The following CACYBP variants were observed in gnomAD, a reference collection of about 807,000 sequenced individuals.
CACYBP encodes calcyclin binding protein, also known as calcyclin-binding protein.
Under a neutral mutation model 29.6 loss-of-function variants are expected in CACYBP, and 11 were observed. The ratio of observed to expected loss-of-function variants is 0.37; its 90% CI spans 0.23 to 0.61. The LOEUF (loss-of-function observed/expected upper bound fraction) is 0.61. Among genes scored for constraint, CACYBP ranks in the 20% least tolerant of loss-of-function variants. CACYBP has a pLI of 0.65. For missense variants in CACYBP, 163 were observed against 260.7 expected, an observed-to-expected ratio of 0.63 and a Z score of 2.58; for synonymous variants, 73 against 88.3, an observed-to-expected ratio of 0.83 and a Z score of 0.97.
chr1:175,001,052 C>G (rs1006035555), intron 1 of CACYBP, among the ~76,000 whole-genome samples: 3 of 152,110 alleles, frequency 2.0e-5, no homozygotes, highest in East Asian at 1.9e-4. Flanking sequence ...CTGGGGAGTC[C>G]CAAGCTTTTG....
At chr1:175,006,052 G>A (rs1245488334) in intron 2 of CACYBP, among the ~76,000 whole-genome samples, 2 of 152,164 alleles carry the variant, frequency 1.3e-5, no homozygotes, top group Non-Finnish European at 2.9e-5. Flanking sequence ...ATATATTCTT[G>A]ATAAACAGAA....
At position 175,011,656 on chromosome 1, in the gene CACYBP, CAT is replaced by C. The variant is rs1672760346; in HGVS notation, c.*1578_*1579del. ...AAAAAGAAATGTAAATGACCTTTAA[CAT>C]GTAAAGATGCTCACCTTGTTCAGAA... On this transcript the variant is annotated 3_prime_UTR_variant, in exon 6 of 6. Transcript: ENST00000367679. 6.6e-6 allele frequency: 1 copy of C among 152,122 alleles called. No homozygotes were observed. The highest frequency in any genetic ancestry group is 2.4e-5 in the African/African-American group (1 of 41,428). The allele number at this position is 152,122 out of a possible 1,614,324, so 9.4% of individuals were successfully genotyped here.
upstream of CACYBP, chr1:174,999,866 C>A (rs954345812): frequency 6.6e-6 from 3 of 456,680 alleles, no homozygotes; most frequent in Non-Finnish European, 7.4e-6. Flanking sequence ...ATTCGGCAGG[C>A]GGGCGGAGCC....
At position 175,000,132 on chromosome 1, in the gene CACYBP, C is replaced by T. The variant is rs753544362; in HGVS notation, c.-49C>T. 5.7e-5 allele frequency: 90 copies of T among 1,585,386 alleles called. No homozygotes were observed. The highest frequency in any genetic ancestry group is 1.7e-4 in the Middle Eastern group (1 of 6,008). On this transcript the variant is annotated 5_prime_UTR_variant, in exon 1 of 6. Transcript: ENST00000367679. ...AGGGCTCGGCGCGGGGTTTCCTGTTCCTCCTTCTGCGCGGCTGCAGCTCGG... is the reference window on the plus strand; with the variant it reads ...AGGGCTCGGCGCGGGGTTTCCTGTTTCTCCTTCTGCGCGGCTGCAGCTCGG...
Position 175,007,107 on chromosome 1 carries a change from T to C in CACYBP, c.342T>C (p.Asp114=). 1 of 1,597,024 alleles carries C rather than the reference T, an allele frequency of 6.3e-7. No homozygotes were observed. Among genetic ancestry groups the C allele is most frequent in the Non-Finnish European group, 8.6e-7 (1 of 1,165,570 alleles). Reference sequence around the variant, plus strand: ...CACCATTGTGTTGCAGGTCATTTGATCTTTTGGTAAAGAATCTAAATGGGA... The same window carrying C: ...CACCATTGTGTTGCAGGTCATTTGACCTTTTGGTAAAGAATCTAAATGGGA... ...VQVHFTERSF[D]LLVKNLNGKS... Residue 114 remains aspartate (D), a synonymous_variant, in exon 4 of 6, where the codon GAT becomes GAC. Transcript: ENST00000367679.
At chr1:175,000,831 TAAG>T (rs1672459104) in intron 1 of CACYBP, among the ~76,000 whole-genome samples, 2 of 152,222 alleles carry the variant, frequency 1.3e-5, no homozygotes, top group African/African-American at 4.8e-5. Flanking sequence ...TAATTAATAG[TAAG>T]AAAGCGAATG....
At chr1:175,008,375 G>A (rs1025592012) in intron 4 of CACYBP, among the ~76,000 whole-genome samples, 2 of 151,580 alleles carry the variant, frequency 1.3e-5, no homozygotes, top group Non-Finnish European at 2.9e-5. Flanking sequence ...ATTAACACCC[G>A]CTTTGTCTTG....
In CACYBP at chr1:175,006,856, T is replaced by C; in HGVS notation, c.332+15T>C. ...TTCACAGAGAGGTGAGTTCTCATTA[T>C]AATGGGAAAGACAGTGAATTAACAG... On this transcript the variant is annotated intron_variant, in intron 3 of 5. Transcript: ENST00000367679. 1.4e-6 allele frequency: 2 copies of C among 1,382,000 alleles called. No homozygotes were observed. Among genetic ancestry groups the C allele is most frequent in the Non-Finnish European group, 1.0e-6 (1 of 968,968 alleles). The allele number at this position is 1,382,000 out of a possible 1,614,324, so 85.6% of individuals were successfully genotyped here. A position where few individuals can be genotyped will look rare whatever the true frequency, so the allele number is the denominator to read the frequency against.
At chr1:175,000,781 G>C (rs934960674) in intron 1 of CACYBP, among the ~76,000 whole-genome samples, 1 of 152,230 alleles carries the variant, frequency 6.6e-6, no homozygotes, top group African/African-American at 2.4e-5. Context: ...GCAATCTGCT[G>C]TATGTGATTT....
At chr1:175,004,567 C>G (rs1247257611) in intron 1 of CACYBP, 47 bp from the exon 2 acceptor site, 19 of 1,152,392 alleles carry the variant, frequency 1.6e-5, no homozygotes, top group Non-Finnish European at 2.4e-5. Context: ...CAATATCAAG[C>G]CATTTCCTTA....
Position 175,007,128 on chromosome 1 carries a change from T to C in CACYBP, c.363T>C (p.Asn121=), listed in dbSNP as rs150909890. The change falls in exon 4 of 6, where the codon AAT becomes AAC. Residue 121 remains asparagine, a synonymous_variant. Transcript: ENST00000367679. ...TTGATCTTTTGGTAAAGAATCTAAA[T>C]GGGAAGAGTTACTCCATGATTGTGA... ...RSFDLLVKNL[N]GKSYSMIVNN... is the part of the protein sequence containing the mutation. 3.4e-5 allele frequency: 54 copies of C among 1,610,850 alleles called. No homozygotes were observed. Among genetic ancestry groups the C allele is most frequent in the Admixed American group, 1.8e-4 (11 of 59,850 alleles).
intron 1 of CACYBP, chr1:175,000,408 G>A: frequency 7.1e-7 from 1 of 1,404,466 alleles, no homozygotes. Flanking sequence ...CCACTCGCCT[G>A]CTGGGCTCGA....
intron 4 of CACYBP, among the ~76,000 whole-genome samples, chr1:175,008,134 A>G (rs976735695): frequency 1.3e-4 from 19 of 151,994 alleles, no homozygotes; most frequent in African/African-American, 4.6e-4. Context: ...ACCTTGCCCC[A>G]TACTGCCTTA....
At chr1:175,003,845 T>G (rs1173282954) in intron 1 of CACYBP, among the ~76,000 whole-genome samples, 1 of 149,116 alleles carries the variant, frequency 6.7e-6, no homozygotes, top group Admixed American at 6.6e-5. Context: ...CCTCTATCTC[T>G]AGAAAGTAGA....
chr1:175,000,204 T>C lies in CACYBP; in HGVS notation c.15+9T>C. ...CCATGGCTTCAGAAGAGGTAAGTGG[T>C]CCGGCCCCATATTCCTTATGCCCCC... is the stretch of plus-strand genomic sequence containing the variant. On this transcript the variant is annotated intron_variant, in intron 1 of 5. Coordinates refer to ENST00000367679, the MANE Select transcript of CACYBP (RefSeq NM_014412.3). 6.2e-7 allele frequency: 1 copy of C among 1,605,598 alleles called. No individual in the cohort carries two copies. The highest frequency in any genetic ancestry group is 8.5e-7 in the Non-Finnish European group (1 of 1,176,060).
intron 1 of CACYBP, among the ~76,000 whole-genome samples, chr1:175,002,848 T>G (rs1372577604): frequency 2.6e-5 from 4 of 152,222 alleles, no homozygotes; most frequent in Admixed American, 1.3e-4. Flanking sequence ...ACCTTTCTCA[T>G]TCTGCTAGAT....
upstream of CACYBP, chr1:174,999,850 T>G: frequency 2.1e-6 from 1 of 479,192 alleles, no homozygotes; most frequent in Non-Finnish European, 3.7e-6. Context: ...TGAGCGTTGC[T>G]AGGAGATTCG....
intron 2 of CACYBP, chr1:175,005,056 C>G (rs552795822): frequency 7.3e-6 from 4 of 545,602 alleles, no homozygotes; most frequent in African/African-American, 5.7e-5. Context: ...AATGTAACAA[C>G]AAGGAAGGAA....
chr1:174,999,979 C>G lies in CACYBP; in HGVS notation c.-202C>G. 1.5e-6 allele frequency: 1 copy of G among 685,326 alleles called. No homozygotes were observed. The highest frequency in any genetic ancestry group is 1.9e-5 in the South Asian group (1 of 53,226). The allele number at this position is 685,326 out of a possible 1,614,324, so 42.5% of individuals were successfully genotyped here. A position where few individuals can be genotyped will look rare whatever the true frequency, so the allele number is the denominator to read the frequency against. On this transcript the variant is annotated 5_prime_UTR_variant, in exon 1 of 6. Coordinates refer to ENST00000367679, the MANE Select transcript of CACYBP (RefSeq NM_014412.3). ...TGTGCGTGCTCGCGGTGGGCGGTGGCGGCGGCTGCCTCGCGAAGGTTCGAG... is the reference window on the plus strand; with the variant it reads ...TGTGCGTGCTCGCGGTGGGCGGTGGGGGCGGCTGCCTCGCGAAGGTTCGAG...
Sources: allele counts gnomAD v4.1 joint callset (sites outside exome capture counted in the v4.1 genomes callset), GRCh38; gene constraint gnomAD v4.1.1; transcripts MANE v1.5; gene names NCBI Gene and HGNC (gene_info 2026-07-23, HGNC 2026-07-21).